TTC7A: variants seen among roughly 807,000 people sequenced by gnomAD.
The protein encoded by TTC7A is tetratricopeptide repeat protein 7A.
In TTC7A, 110 loss-of-function variants were observed where a neutral mutation model predicts 103.7. The ratio of observed to expected loss-of-function variants is 1.06; its 90% CI spans 0.91 to 1.24. The LOEUF (loss-of-function observed/expected upper bound fraction) is 1.24, where lower values mean the gene tolerates loss of function less well. TTC7A is among the 50% of genes most tolerant of loss of function. TTC7A has a pLI of 0.00. For synonymous variants in TTC7A, 521 were observed against 467.9 expected, an observed-to-expected ratio of 1.11 and a Z score of -1.47; for missense variants, 1,340 against 1,116.3, an observed-to-expected ratio of 1.20 and a Z score of -2.86.
chr2:46,950,329 G>C, intron 1 of TTC7A, 34 bp from the exon 2 acceptor site: 2 of 1,611,944 alleles, frequency 1.2e-6, no homozygotes, highest in Non-Finnish European at 1.7e-6. Flanking sequence ...CCTTGTTCGG[G>C]GTTTGCTGCT....
At chr2:46,925,356 G>A (rs908834636) in intron 2 of TTC7A, among the ~76,000 whole-genome samples, 25 of 152,062 alleles carry the variant, frequency 1.6e-4, no homozygotes, top group Non-Finnish European at 2.6e-4. Flanking sequence ...TCAGGAGTTC[G>A]AGACTAACCT....
At chr2:47,073,343 A>T (rs1553418206) in intron 19 of TTC7A, among the ~76,000 whole-genome samples, 1 of 152,000 alleles carries the variant, frequency 6.6e-6, no homozygotes, top group South Asian at 2.1e-4. Context: ...AGATGCTGTG[A>T]TTTTTCCCAT....
At chr2:46,960,993 G>C (rs1572731224) in intron 3 of TTC7A, among the ~76,000 whole-genome samples, 1 of 152,222 alleles carries the variant, frequency 6.6e-6, no homozygotes, top group South Asian at 2.1e-4. Flanking sequence ...TTGTGGACGA[G>C]TTGTTCAGAA....
At position 47,021,975 on chromosome 2, in the gene TTC7A, C is replaced by T. The variant is rs534000380; in HGVS notation, c.1506C>T (p.Thr502=). Residue 502 remains threonine, a synonymous_variant, in exon 12 of 20, where the codon ACC becomes ACT. Transcript: ENST00000319190. ...GTCTCACCTATAGCCTGCAGGCCAC[C>T]GACGGTGAGTGCCAGGCCCCAGGAG... The part of the protein sequence containing the change: ...ALGLTYSLQA[T]DATLKSKQDE... 1.7e-5 allele frequency: 27 copies of T among 1,608,300 alleles called. No individual in the cohort carries two copies. Among genetic ancestry groups the T allele is most frequent in the Admixed American group, 3.3e-5 (2 of 59,904 alleles).
At position 47,024,331 on chromosome 2, in the gene TTC7A, T is replaced by G. The variant is rs760871046; in HGVS notation, c.1613T>G (p.Val538Gly). The G allele has an allele frequency of 6.2e-7, 1 of 1,608,284 alleles. No individual in the cohort carries two copies. Among genetic ancestry groups the G allele is most frequent in the Non-Finnish European group, 8.5e-7 (1 of 1,177,490 alleles). ...APSDPQVILY[V>G]SLQLALVRQI... ...AGTGACCCCCAGGTCATCCTCTATG[T>G]CTCGCTGCAGCTGGCCCTCGTCCGA... The change falls in exon 14 of 20, where the codon GTC becomes GGC. Residue 538 changes from valine (V) to glycine (G), a missense_variant. Coordinates refer to ENST00000319190, the MANE Select transcript of TTC7A (RefSeq NM_020458.4).
chr2:47,046,462 C>T (rs368223411), intron 16 of TTC7A, 31 bp downstream of exon 16: 6 of 1,583,306 alleles, frequency 3.8e-6, no homozygotes, highest in African/African-American at 2.7e-5. Flanking sequence ...CTTGGGTTGC[C>T]AGAGGGTGGT....
chr2:47,056,577 C>G (rs114751848), intron 18 of TTC7A, among the ~76,000 whole-genome samples: 1,827 of 152,320 alleles, frequency 0.012, 41 homozygotes, highest in African/African-American at 0.042. Flanking sequence ...AGAGCCTCGG[C>G]TTTGGCAGGA....
At chr2:47,070,599 C>A (rs1010111472) in intron 19 of TTC7A, among the ~76,000 whole-genome samples, 2 of 152,150 alleles carry the variant, frequency 1.3e-5, no homozygotes, top group African/African-American at 4.8e-5. Flanking sequence ...GACCTTGAGG[C>A]GGTTGTGTGG....
intron 12 of TTC7A, 119 bp downstream of exon 12, chr2:47,022,098 G>A: frequency 2.9e-6 from 2 of 685,548 alleles, no homozygotes. Context: ...TAGACACCAT[G>A]CACTCCTCTG....
At chr2:47,012,803 C>A (rs1275223422) in intron 11 of TTC7A, among the ~76,000 whole-genome samples, 2 of 152,180 alleles carry the variant, frequency 1.3e-5, no homozygotes, top group African/African-American at 4.8e-5. Context: ...AAAAGAGCAC[C>A]TTTCCCCTTT....
intron 2 of TTC7A, among the ~76,000 whole-genome samples, chr2:46,931,482 A>G (rs1347573510): frequency 2.6e-5 from 4 of 152,162 alleles, no homozygotes; most frequent in African/African-American, 9.7e-5. Context: ...CATGAGCCCA[A>G]TATAATCACA....
intron 19 of TTC7A, among the ~76,000 whole-genome samples, chr2:47,070,818 G>C (rs1684619221): frequency 6.6e-6 from 1 of 152,176 alleles, no homozygotes; most frequent in Non-Finnish European, 1.5e-5. Context: ...CCCCCTTGGA[G>C]GTACGATGTC....
At chr2:46,924,891 T>G (rs879702957) in intron 2 of TTC7A, among the ~76,000 whole-genome samples, 27 of 152,248 alleles carry the variant, frequency 1.8e-4, no homozygotes, top group Middle Eastern at 3.4e-3. Flanking sequence ...CCTTCCAGAG[T>G]CCTAGGATTA....
At chr2:46,974,337 T>C (rs1449806313) in intron 3 of TTC7A, among the ~76,000 whole-genome samples, 3 of 152,212 alleles carry the variant, frequency 2.0e-5, no homozygotes, top group Admixed American at 6.5e-5. Context: ...CCTTGGTGCC[T>C]TACCTACCAG....
intron 13 of TTC7A, 76 bp downstream of exon 13, chr2:47,023,541 C>A: frequency 7.1e-7 from 1 of 1,412,948 alleles, no homozygotes. Context: ...GTCATCAGAC[C>A]CTCTGATGTG....
At chr2:47,003,774 G>A (rs749809418) in intron 8 of TTC7A, among the ~76,000 whole-genome samples, 3 of 152,182 alleles carry the variant, frequency 2.0e-5, no homozygotes, top group African/African-American at 7.2e-5. Flanking sequence ...CCATGGGCAG[G>A]GCCTCTGTGC....
upstream of TTC7A, among the ~76,000 whole-genome samples, chr2:46,939,675 T>A (rs1479379024): frequency 6.6e-6 from 1 of 152,194 alleles, no homozygotes; most frequent in Non-Finnish European, 1.5e-5. Context: ...TGCTGTTCAC[T>A]CCCTGCCCCA....
chr2:46,985,235 G>T lies in TTC7A; in HGVS notation c.764+6328G>T, dbSNP rs546159137. On this transcript the variant is annotated intron_variant, in intron 5 of 19. Coordinates refer to ENST00000319190, the MANE Select transcript of TTC7A (RefSeq NM_020458.4). Reference sequence around the variant, plus strand: ...TGAGGCACATGTTTTGGTCCTTACAGCCAGGATCCTGGCTCCACCCTGCCC... The same window carrying T: ...TGAGGCACATGTTTTGGTCCTTACATCCAGGATCCTGGCTCCACCCTGCCC... Among the ~76,000 whole-genome samples the T allele has an allele frequency of 7.9e-5, 12 of 151,784 alleles. No homozygotes were observed. The South Asian group carries it at 1.9e-3, about 24-fold the overall frequency.
intron 3 of TTC7A, among the ~76,000 whole-genome samples, chr2:46,968,541 C>T (rs1177354860): frequency 6.6e-6 from 1 of 152,268 alleles, no homozygotes; most frequent in East Asian, 1.9e-4. Flanking sequence ...ACAAGGTTCC[C>T]GGCCCCTTTT....
Sources: allele counts gnomAD v4.1 joint callset (sites outside exome capture counted in the v4.1 genomes callset), GRCh38; gene constraint gnomAD v4.1.1; transcripts MANE v1.5; gene names NCBI Gene and HGNC (gene_info 2026-07-23, HGNC 2026-07-21).